Variants in OR1F1 observed in about 807,000 individuals in gnomAD.
OR1F1 encodes olfactory receptor family 1 subfamily F member 1.
For missense variants in OR1F1, 493 were observed against 376.3 expected, an observed-to-expected ratio of 1.31 and a Z score of -2.57; for synonymous variants, 184 against 156.7, an observed-to-expected ratio of 1.17 and a Z score of -1.30.
At chr16:3,189,678 G>A in the OR1F1 span, 6 of 151,874 alleles carry the variant, frequency 4.0e-5, no homozygotes, top group East Asian at 5.8e-4. Context: ...GGTGCGAGAG[G>A]TCCCGGGTTC....
chr16:3,204,765 C>T, exon 1 of OR1F1: 1 of 1,614,156 alleles, frequency 6.2e-7, no homozygotes, highest in Non-Finnish European at 8.5e-7. Flanking sequence ...CAGACAATGC[C>T]ATCACTCACT....
chr16:3,199,112 C>A, the OR1F1 span, among the ~76,000 whole-genome samples: 2 of 48,708 alleles, frequency 4.1e-5, no homozygotes, highest in African/African-American at 1.6e-4. Context: ...GATCCTGTCT[C>A]TACAAAAAAA....
At chr16:3,199,115 C>CAAAAAAA in the OR1F1 span, among the ~76,000 whole-genome samples, 39 of 52,576 alleles carry the variant, frequency 7.4e-4, 1 homozygote, top group Non-Finnish European at 9.2e-4. Context: ...CCTGTCTCTA[C>CAAAAAAA]AAAAAAAAAA....
At chr16:3,195,157 A>T in the OR1F1 span, among the ~76,000 whole-genome samples, 1 of 152,172 alleles carries the variant, frequency 6.6e-6, no homozygotes, top group Non-Finnish European at 1.5e-5. Flanking sequence ...ACCCAATCTC[A>T]GACCCTGCGC....
At chr16:3,196,530 C>T in the OR1F1 span, among the ~76,000 whole-genome samples, 2 of 151,650 alleles carry the variant, frequency 1.3e-5, no homozygotes, top group Non-Finnish European at 2.9e-5. Context: ...ACCACAGGCA[C>T]GCACTACGAC....
Sources: allele counts gnomAD v4.1 joint callset (sites outside exome capture counted in the v4.1 genomes callset), GRCh38; gene constraint gnomAD v4.1.1; transcripts MANE v1.5; gene names NCBI Gene and HGNC (gene_info 2026-07-23, HGNC 2026-07-21).